The following CWC25 variants were observed in gnomAD, a reference collection of about 807,000 sequenced individuals.
CWC25 encodes the protein CWC25 spliceosome associated protein, also known as pre-mRNA-splicing factor CWC25 homolog.
Under a neutral mutation model 54.6 loss-of-function variants are expected in CWC25, and 31 were observed. The observed-to-expected ratio is 0.57, with a 90% CI of 0.43 to 0.77. The LOEUF (loss-of-function observed/expected upper bound fraction) is 0.77. Among genes scored for constraint, CWC25 ranks in the 30% least tolerant of loss-of-function variants. The pLI, the probability that CWC25 is intolerant of heterozygous loss-of-function variation, is 0.00. For synonymous variants in CWC25, 151 were observed against 187.0 expected (o/e 0.81, Z 1.57); for missense variants, 453 against 529.3 (o/e 0.86, Z 1.41).
At chr17:38,822,352 C>T (rs890997728) in intron 1 of CWC25, among the ~76,000 whole-genome samples, 31 of 152,198 alleles carry the variant, frequency 2.0e-4, no homozygotes, top group African/African-American at 5.8e-4. Flanking sequence ...CATGAGCTAC[C>T]GTGCCTGGCA....
At chr17:38,811,076 C>G (rs564203571) in intron 4 of CWC25, among the ~76,000 whole-genome samples, 3 of 151,082 alleles carry the variant, frequency 2.0e-5, no homozygotes, top group African/African-American at 7.3e-5. Context: ...ACTAAAAATA[C>G]AAAAATTAGC....
Position 38,806,855 on chromosome 17 carries a change from G to GC in CWC25, c.811dup (p.Ala271GlyfsTer35). ...TGCTTCCCTGGTGCTCTTCTTGCTGGCATGTCTTGGGGGTGAGTGGGAGGA... is the reference window on the plus strand; with the variant it reads ...TGCTTCCCTGGTGCTCTTCTTGCTGGCCATGTCTTGGGGGTGAGTGGGAGGA... On this transcript the variant is annotated frameshift_variant, in exon 7 of 10. Coordinates refer to ENST00000614790, the MANE Select transcript of CWC25 (RefSeq NM_017748.5). LOFTEE classifies it high-confidence loss of function. The GC allele has an allele frequency of 1.9e-6, 3 of 1,613,766 alleles. No individual in the cohort carries two copies. The highest frequency in any genetic ancestry group is 2.5e-6 in the Non-Finnish European group (3 of 1,179,826).
intron 2 of CWC25, chr17:38,815,792 A>G: frequency 1.4e-6 from 1 of 698,594 alleles, no homozygotes; most frequent in Admixed American, 3.4e-5. Context: ...CATCAAGAAC[A>G]ATTTCAGTGA....
rs189457173 is a variant in CWC25, at chr17:38,805,210, G to A, written c.1001+1087C>T. 3.3e-5 allele frequency among the ~76,000 whole-genome samples: 5 copies of A among 151,962 alleles called. No individual in the cohort carries two copies. The East Asian group carries it at 9.7e-4, about 29-fold the overall frequency. On this transcript the variant is annotated intron_variant, in intron 8 of 9. Transcript: ENST00000614790. ...GAATCACTTGAACCCCGGAGGCAGA[G>A]GTTGTAGTGAGCCAAGATTGTGGCA... is the stretch of plus-strand genomic sequence containing the variant.
chr17:38,812,848 T>C lies in CWC25; in HGVS notation c.445A>G (p.Lys149Glu). The C allele has an allele frequency of 6.6e-7, 1 of 1,522,610 alleles. No individual in the cohort carries two copies. The highest frequency in any genetic ancestry group is 1.2e-5 in the South Asian group (1 of 83,476). 94.3% of individuals were successfully genotyped at this position (1,522,610 alleles called of 1,614,324 possible). A position where few individuals can be genotyped will look rare whatever the true frequency, so the allele number is the denominator to read the frequency against. Residue 149 changes from lysine to glutamate, a missense_variant, in exon 4 of 10, where the codon AAA becomes GAA. By Grantham distance (56) the Lys-to-Glu change is moderately conservative. Around this residue, in one of 2 missense-constraint regions of CWC25, gnomAD observed 444 missense variants for 499.2 expected, o/e 0.89. Transcript: ENST00000614790. ...GGATTATTTAATACCTCTCGTTTTT[T>C]CTCCTCCTCCTTCTTCCTAAAGAGA... ...LFIIRKKEEE[K>E]KREVLNNPVK...
In CWC25 at chr17:38,823,775, T is replaced by C. The variant is rs12944484; in HGVS notation, c.18+1391A>G. Reference sequence around the variant, plus strand: ...TTGTCCTCCCTGCCTCAAGCATAGATTATTTTGCTCCCCAGGGAGAAAATC... The same window carrying C: ...TTGTCCTCCCTGCCTCAAGCATAGACTATTTTGCTCCCCAGGGAGAAAATC... On this transcript the variant is annotated intron_variant, in intron 1 of 9. Transcript: ENST00000614790. Among the ~76,000 whole-genome samples, 105 of 152,280 alleles carry C rather than the reference T, an allele frequency of 6.9e-4. 1 individual carries two copies. The highest frequency in any genetic ancestry group is 1.9e-3 in the African/African-American group (81 of 41,568).
chr17:38,810,652 G>T (rs1911448007), intron 4 of CWC25, 57 bp from the exon 5 acceptor site: 2 of 859,284 alleles, frequency 2.3e-6, no homozygotes. Flanking sequence ...CAGCGCAGTG[G>T]CTCATGCCTG....
chr17:38,809,577 C>A (rs1911402041), intron 6 of CWC25, 125 bp downstream of exon 6: 1 of 760,878 alleles, frequency 1.3e-6, no homozygotes, highest in Non-Finnish European at 2.1e-6. Context: ...AGGTGCTCAG[C>A]GATAAGAATG....
chr17:38,820,775 T>C, intron 2 of CWC25, 126 bp downstream of exon 2: 1 of 1,143,212 alleles, frequency 8.7e-7, no homozygotes, highest in Non-Finnish European at 1.2e-6. Flanking sequence ...AACCTTAGAA[T>C]CCAGGTGAGT....
At chr17:38,809,586 T>C in intron 6 of CWC25, 116 bp downstream of exon 6, 1 of 855,342 alleles carries the variant, frequency 1.2e-6, no homozygotes, top group Non-Finnish European at 1.9e-6. Flanking sequence ...GCGATAAGAA[T>C]GGGCCTGTTT....
Position 38,806,372 on chromosome 17 carries a change from C to G in CWC25, c.926G>C (p.Arg309Thr), listed in dbSNP as rs778798530. The G allele has an allele frequency of 6.2e-7, 1 of 1,613,666 alleles. No homozygotes were observed. Among genetic ancestry groups the G allele is most frequent in the East Asian group, 2.2e-5 (1 of 44,886 alleles). Reference protein sequence around the residue: ...SKLHNSKVNRRETGQTRSPSP... With the variant: ...SKLHNSKVNRTETGQTRSPSP... The stretch of plus-strand genomic sequence containing the variant: ...TGGGCTCCTAGTTTGGCCTGTCTCT[C>G]TCCTGTTCACCTTAGAGTTGTGCCT... Residue 309 changes from arginine to threonine, a missense_variant, in exon 8 of 10, where the codon AGA becomes ACA. Around this residue, in one of 2 missense-constraint regions of CWC25, gnomAD observed 444 missense variants for 499.2 expected, o/e 0.89. Coordinates refer to ENST00000614790, the MANE Select transcript of CWC25 (RefSeq NM_017748.5).
chr17:38,802,937 C>G, intron 8 of CWC25, 76 bp from the exon 9 acceptor site: 1 of 1,558,740 alleles, frequency 6.4e-7, no homozygotes, highest in South Asian at 1.2e-5. Flanking sequence ...GCACAGAAGC[C>G]AGGTGGGACC....
intron 3 of CWC25, among the ~76,000 whole-genome samples, chr17:38,814,522 CA>C: frequency 6.6e-6 from 1 of 151,584 alleles, no homozygotes; most frequent in Admixed American, 6.6e-5. Context: ...GGGCGGATCA[CA>C]AGGTGGTCAG....
At chr17:38,806,420 A>G in intron 7 of CWC25, 25 bp from the exon 8 acceptor site, 1 of 1,601,160 alleles carries the variant, frequency 6.2e-7, no homozygotes, top group Non-Finnish European at 8.5e-7. Context: ...GAAGGCAAAG[A>G]GGAAAAAGCC....
intron 2 of CWC25, among the ~76,000 whole-genome samples, chr17:38,816,428 A>G (rs1911702792): frequency 1.3e-5 from 2 of 151,410 alleles, no homozygotes; most frequent in Admixed American, 1.3e-4. Context: ...TATTTTTTCA[A>G]TTTTTAAACA....
intron 2 of CWC25, among the ~76,000 whole-genome samples, chr17:38,816,527 C>T (rs552565604): frequency 6.6e-6 from 1 of 152,038 alleles, no homozygotes; most frequent in Admixed American, 6.6e-5. Flanking sequence ...GCTGGGATTA[C>T]AAGGGTGAGC....
intron 5 of CWC25, 103 bp from the exon 6 acceptor site, chr17:38,809,868 TC>T: frequency 9.5e-7 from 1 of 1,050,346 alleles, no homozygotes; most frequent in Admixed American, 2.3e-5. Context: ...ATGTGACCTT[TC>T]CGCCTCCCAG....
intron 2 of CWC25, among the ~76,000 whole-genome samples, chr17:38,817,367 G>A (rs1489683190): frequency 1.3e-5 from 2 of 151,122 alleles, no homozygotes; most frequent in South Asian, 2.1e-4. Context: ...AATTGATCAT[G>A]GGGCCGGGCG....
chr17:38,812,453 C>A (rs968111328), intron 4 of CWC25, among the ~76,000 whole-genome samples: 1 of 152,142 alleles, frequency 6.6e-6, no homozygotes, highest in Non-Finnish European at 1.5e-5. Flanking sequence ...TATGAATAAA[C>A]CCCGTCTCTA....
Sources: allele counts gnomAD v4.1 joint callset (sites outside exome capture counted in the v4.1 genomes callset), GRCh38; gene constraint gnomAD v4.1.1; regional missense constraint gnomAD v4.1.1; transcripts MANE v1.5; gene names NCBI Gene and HGNC (gene_info 2026-07-23, HGNC 2026-07-21).